PARVA: variants seen among roughly 807,000 people sequenced by gnomAD.
PARVA encodes alpha-parvin.
PARVA carries 25 observed loss-of-function variants against 52.6 expected under a neutral mutation model. The ratio of observed to expected loss-of-function variants is 0.48; its 90% CI spans 0.35 to 0.66. The LOEUF is 0.66. PARVA is among the 30% of genes least tolerant of loss of function. PARVA has a pLI of 0.01. For missense variants in PARVA, 373 were observed against 450.9 expected (o/e 0.83, Z 1.56); for synonymous variants, 185 against 179.1 (o/e 1.03, Z -0.26).
intron 1 of PARVA, among the ~76,000 whole-genome samples, chr11:12,440,443 T>G (rs1940450411): frequency 6.6e-6 from 1 of 152,196 alleles, no homozygotes; most frequent in South Asian, 2.1e-4. Context: ...GCCCGTGAAC[T>G]GGGGCTCTGT....
chr11:12,377,820 G>T, intron 1 of PARVA, 37 bp downstream of exon 1: 1 of 1,449,476 alleles, frequency 6.9e-7, no homozygotes. Context: ...GGCGGTAGGA[G>T]CCGGGGGTGC....
At chr11:12,410,305 C>A (rs528039671) in intron 1 of PARVA, among the ~76,000 whole-genome samples, 1 of 152,344 alleles carries the variant, frequency 6.6e-6, no homozygotes, top group South Asian at 2.1e-4. Context: ...CACAGGCCTC[C>A]TCCAGGAACA....
chr11:12,385,162 C>A lies in PARVA; in HGVS notation c.136+7379C>A, dbSNP rs147036079. ...ACCAGCCTGGGCAACATGGCGAAAC[C>A]CCATCTCTACAAAAAAATTAGCCAT... On this transcript the variant is annotated intron_variant, in intron 1 of 12. Transcript: ENST00000334956. 4.9e-3 allele frequency among the ~76,000 whole-genome samples: 741 copies of A among 152,044 alleles called. 5 individuals carry two copies. The highest frequency in any genetic ancestry group is 0.017 in the African/African-American group (710 of 41,474).
At chr11:12,387,517 C>G (rs1484980098) in intron 1 of PARVA, among the ~76,000 whole-genome samples, 1 of 151,490 alleles carries the variant, frequency 6.6e-6, no homozygotes, top group African/African-American at 2.4e-5. Context: ...GATGACTCTT[C>G]CAGTCCCCAG....
chr11:12,489,275 A>T (rs968577647), intron 4 of PARVA, among the ~76,000 whole-genome samples: 10 of 152,166 alleles, frequency 6.6e-5, no homozygotes, highest in Admixed American at 1.3e-4. Flanking sequence ...AAAGAACAAG[A>T]AACTATTAAG....
At chr11:12,474,297 A>C (rs545833622) in intron 3 of PARVA, among the ~76,000 whole-genome samples, 1 of 152,134 alleles carries the variant, frequency 6.6e-6, no homozygotes. Flanking sequence ...AAAAGCAGGC[A>C]GTGGAGCAGT....
At chr11:12,395,155 C>T (rs928455124) in intron 1 of PARVA, among the ~76,000 whole-genome samples, 2 of 151,270 alleles carry the variant, frequency 1.3e-5, no homozygotes, top group Admixed American at 6.6e-5. Flanking sequence ...TTGCATCTTG[C>T]AGATACTTTA....
chr11:12,433,355 G>C (rs1272098193), intron 1 of PARVA, among the ~76,000 whole-genome samples: 1 of 152,168 alleles, frequency 6.6e-6, no homozygotes, highest in Non-Finnish European at 1.5e-5. Context: ...GGGCTTCACT[G>C]GTTCTTCACT....
At chr11:12,503,549 G>A (rs1941388703) in intron 5 of PARVA, among the ~76,000 whole-genome samples, 1 of 151,996 alleles carries the variant, frequency 6.6e-6, no homozygotes, top group South Asian at 2.1e-4. Flanking sequence ...TATGACCCAA[G>A]AAGGAGCCCC....
chr11:12,419,432 T>C, intron 1 of PARVA, among the ~76,000 whole-genome samples: 1 of 152,238 alleles, frequency 6.6e-6, no homozygotes, highest in East Asian at 1.9e-4. Context: ...ATCTGTGTTG[T>C]AGCATGTGTC....
In PARVA at chr11:12,395,494, C is replaced by T. The variant is rs373379991; in HGVS notation, c.136+17711C>T. Among the ~76,000 whole-genome samples the T allele has an allele frequency of 5.9e-5, 9 of 152,208 alleles. 1 individual carries two copies. In the East Asian group the frequency reaches 1.3e-3, roughly 23 times the overall value. ...CCGGAGCCTCTAAAAGTTAGAAGCA[C>T]AGGCTTCCTGGGTAACGGGGAAGCC... On this transcript the variant is annotated intron_variant, in intron 1 of 12. Transcript: ENST00000334956.
intron 1 of PARVA, among the ~76,000 whole-genome samples, chr11:12,402,116 T>C (rs949424145): frequency 6.6e-6 from 1 of 152,070 alleles, no homozygotes; most frequent in Admixed American, 6.5e-5. Flanking sequence ...GGAGGGACCA[T>C]TTACAAAGAG....
At chr11:12,497,021 G>A (rs904361277) in intron 5 of PARVA, among the ~76,000 whole-genome samples, 11 of 152,086 alleles carry the variant, frequency 7.2e-5, no homozygotes, top group East Asian at 1.9e-4. Flanking sequence ...TCCAAAGCCC[G>A]CGCCCTTCCA....
intron 1 of PARVA, among the ~76,000 whole-genome samples, chr11:12,408,527 G>A (rs970371958): frequency 6.6e-6 from 1 of 152,214 alleles, no homozygotes; most frequent in Non-Finnish European, 1.5e-5. Context: ...CTGTGATGAA[G>A]AGGTCAGGGA....
In PARVA at chr11:12,520,159, T is replaced by C. The variant is rs143067890; in HGVS notation, c.1042+1642T>C. On this transcript the variant is annotated intron_variant, in intron 12 of 12. Transcript: ENST00000334956. ...AATATAGGTGATATTTTTATGCAATTATTAAGTTGCTGAATGTGAAACTAA... is the reference window on the plus strand; with the variant it reads ...AATATAGGTGATATTTTTATGCAATCATTAAGTTGCTGAATGTGAAACTAA... Among the ~76,000 whole-genome samples the C allele has an allele frequency of 2.6e-5, 4 of 152,078 alleles. No homozygotes were observed. The East Asian group carries it at 7.7e-4, about 29-fold the overall frequency.
intron 1 of PARVA, among the ~76,000 whole-genome samples, chr11:12,471,809 C>T (rs1940938409): frequency 1.3e-5 from 2 of 152,224 alleles, no homozygotes; most frequent in Admixed American, 6.5e-5. Context: ...CTAGTAGCTA[C>T]TGTATTGGAC....
rs1819726024 is a variant in PARVA at position 12,531,161 on chromosome 11, G to A, written c.*3236G>A. ...TCTAGCTGCCAGCAATGCAGTGCTC[G>A]CCTGCTATATTAGAAGGCTCCAGTT... On this transcript the variant is annotated 3_prime_UTR_variant, in exon 13 of 13. Transcript: ENST00000334956. 1.3e-5 allele frequency among the ~76,000 whole-genome samples: 2 copies of A among 152,174 alleles called. No homozygotes were observed. Among genetic ancestry groups the A allele is most frequent in the South Asian group, 2.1e-4 (1 of 4,826 alleles).
chr11:12,469,475 G>A (rs572252001), intron 1 of PARVA, among the ~76,000 whole-genome samples: 3 of 152,320 alleles, frequency 2.0e-5, no homozygotes, highest in Non-Finnish European at 2.9e-5. Context: ...ATTCTGTGCC[G>A]AGAAAATTCA....
chr11:12,425,921 A>C (rs775331326), intron 1 of PARVA, among the ~76,000 whole-genome samples: 1 of 152,196 alleles, frequency 6.6e-6, no homozygotes, highest in Non-Finnish European at 1.5e-5. Flanking sequence ...ATTATAACCT[A>C]TTTGGAGATA....
Sources: gnomAD v4.1 joint callset for allele counts (sites outside exome capture counted in the v4.1 genomes callset) on GRCh38, gnomAD v4.1.1 for gene constraint, MANE v1.5 for transcripts, NCBI Gene and HGNC (gene_info 2026-07-23, HGNC 2026-07-21) for gene names.